Variants in ASH2L observed in about 807,000 individuals in gnomAD.
The protein encoded by ASH2L is ASH2 like, histone lysine methyltransferase complex subunit.
ASH2L carries 30 observed loss-of-function variants against 81.1 expected under a neutral mutation model. The ratio of observed to expected loss-of-function variants is 0.37; its 90% CI spans 0.28 to 0.50. ASH2L has a LOEUF of 0.50. ASH2L is among the 20% of genes least tolerant of loss of function. The pLI is 0.95. For synonymous variants in ASH2L, 273 were observed against 279.9 expected (o/e 0.98, Z 0.24); for missense variants, 559 against 792.1 (o/e 0.71, Z 3.53).
intron 8 of ASH2L, among the ~76,000 whole-genome samples, chr8:38,118,288 C>T (rs1479263829): frequency 2.0e-5 from 3 of 152,148 alleles, no homozygotes; most frequent in Non-Finnish European, 2.9e-5. Context: ...CCAAGCTTGC[C>T]CCAAATTAAG....
intron 1 of ASH2L, 155 bp from the exon 2 acceptor site, chr8:38,106,223 C>G: frequency 7.2e-7 from 1 of 1,397,146 alleles, no homozygotes; most frequent in African/African-American, 1.4e-5. Context: ...TCTCAGTATC[C>G]TGACAGTACC....
chr8:38,125,475 G>A (rs1027729058), intron 10 of ASH2L, among the ~76,000 whole-genome samples: 3 of 151,694 alleles, frequency 2.0e-5, no homozygotes, highest in South Asian at 2.1e-4. Flanking sequence ...ACAAAATTGC[G>A]GGCCTGGTGG....
At chr8:38,110,930 G>A in intron 5 of ASH2L, 97 bp downstream of exon 5, 1 of 982,520 alleles carries the variant, frequency 1.0e-6, no homozygotes, top group Non-Finnish European at 1.6e-6. Flanking sequence ...AGTTTTTATT[G>A]AATATATGAC....
At position 38,139,026 on chromosome 8, in the gene ASH2L, G is replaced by A. The variant is rs773195004; in HGVS notation, c.1842G>A (p.Val614=). The A allele has an allele frequency of 1.2e-6, 2 of 1,610,634 alleles. No individual in the cohort carries two copies. Among genetic ancestry groups the A allele is most frequent in the South Asian group, 2.2e-5 (2 of 90,670 alleles). Residue 614 remains valine, a synonymous_variant, in exon 16 of 16, where the codon GTG becomes GTA. Coordinates refer to ENST00000343823, the MANE Select transcript of ASH2L (RefSeq NM_004674.5). ...CCCTGGCTGACGTCTTGTATCACGT[G>A]GAGACAGAAGTGGATGGGAGGCGCA... ...EHTLADVLYH[V]ETEVDGRRSP...
At chr8:38,106,012 A>C in intron 1 of ASH2L, 1 of 1,530,676 alleles carries the variant, frequency 6.5e-7, no homozygotes, top group Non-Finnish European at 8.7e-7. Flanking sequence ...CTTTAACGGG[A>C]GGCCTTCACA....
intron 3 of ASH2L, 28 bp downstream of exon 3, chr8:38,107,194 A>G (rs759470548): frequency 1.2e-6 from 2 of 1,610,792 alleles, no homozygotes; most frequent in East Asian, 2.2e-5. Flanking sequence ...TTTTTGTGAG[A>G]ATTGCTCGGT....
chr8:38,133,163 G>C (rs541359102), intron 12 of ASH2L, among the ~76,000 whole-genome samples: 2 of 151,886 alleles, frequency 1.3e-5, no homozygotes, highest in African/African-American at 2.4e-5. Context: ...GAAAAGATGT[G>C]TGAATTTAGC....
At chr8:38,119,501 G>T in intron 9 of ASH2L, 138 bp downstream of exon 9, 1 of 690,612 alleles carries the variant, frequency 1.4e-6, no homozygotes, top group South Asian at 2.3e-5. Context: ...GCACTTTGAG[G>T]GACAAAATAA....
chr8:38,106,403 G>T lies in ASH2L; in HGVS notation c.214G>T (p.Gly72Cys), dbSNP rs369991556. ...GGAGGCAAACTTGGTCGATGTAAGCGGTGGCTTGGAGACAGAATCATCTAA... is the reference window on the plus strand; with the variant it reads ...GGAGGCAAACTTGGTCGATGTAAGCTGTGGCTTGGAGACAGAATCATCTAA... Reference protein sequence around the residue: ...GGEANLVDVSGGLETESSNGK... With the variant: ...GGEANLVDVSCGLETESSNGK... Residue 72 changes from glycine to cysteine, a missense_variant, in exon 2 of 16, where the codon GGT becomes TGT. By Grantham distance (159) the Gly-to-Cys change is radical (BLOSUM62 -3). Coordinates refer to ENST00000343823, the MANE Select transcript of ASH2L (RefSeq NM_004674.5). The T allele has an allele frequency of 6.2e-7, 1 of 1,614,098 alleles. No homozygotes were observed. Among genetic ancestry groups the T allele is most frequent in the South Asian group, 1.1e-5 (1 of 91,078 alleles).
In ASH2L at chr8:38,139,274, TG is replaced by T. The variant is rs1227163438; in HGVS notation, c.*204del. ...ACTTCCAGTGACTGCTCTTATTTTG[TG>T]TACCATAAGCCAACAACCGCTGACT... is the stretch of plus-strand genomic sequence containing the variant. On this transcript the variant is annotated 3_prime_UTR_variant, in exon 16 of 16. Transcript: ENST00000343823. 5.6e-6 allele frequency: 3 copies of T among 531,798 alleles called. No homozygotes were observed. The Middle Eastern group carries it at 1.5e-3, about 264-fold the overall frequency. 32.9% of individuals were successfully genotyped at this position (531,798 alleles called of 1,614,324 possible). A position where few individuals can be genotyped will look rare whatever the true frequency, so the allele number is the denominator to read the frequency against.
intron 3 of ASH2L, among the ~76,000 whole-genome samples, chr8:38,108,784 G>A (rs920941072): frequency 1.3e-5 from 2 of 150,116 alleles, no homozygotes; most frequent in Non-Finnish European, 3.0e-5. Flanking sequence ...GTGAGACTCC[G>A]TCTCAAAAAA....
intron 7 of ASH2L, among the ~76,000 whole-genome samples, chr8:38,115,714 C>G (rs376630619): frequency 1.3e-5 from 2 of 152,320 alleles, no homozygotes; most frequent in African/African-American, 4.8e-5. Flanking sequence ...TGCATGGGGC[C>G]TGAATTCCCA....
At chr8:38,135,819 G>T in intron 14 of ASH2L, 53 bp downstream of exon 14, 1 of 1,394,040 alleles carries the variant, frequency 7.2e-7, no homozygotes, top group Middle Eastern at 1.8e-4. Context: ...CAGATGAATG[G>T]GTTGTGATGA....
chr8:38,111,408 C>T (rs376429676), intron 5 of ASH2L, among the ~76,000 whole-genome samples: 3 of 151,910 alleles, frequency 2.0e-5, no homozygotes, highest in South Asian at 2.1e-4. Flanking sequence ...TTTATTTTTT[C>T]CAAAATTATT....
chr8:38,115,600 A>G (rs539918773), intron 7 of ASH2L, among the ~76,000 whole-genome samples: 43 of 151,872 alleles, frequency 2.8e-4, no homozygotes, highest in African/African-American at 1.0e-3. Flanking sequence ...CCAGGCATTC[A>G]AGACCAGCCT....
At chr8:38,119,545 C>T (rs983608775) in intron 9 of ASH2L, among the ~76,000 whole-genome samples, 182 bp downstream of exon 9, 2 of 152,170 alleles carry the variant, frequency 1.3e-5, no homozygotes, top group Non-Finnish European at 2.9e-5. Context: ...GTGGCTCATG[C>T]GTGTAATCCC....
chr8:38,118,105 A>G (rs538930674), intron 8 of ASH2L, among the ~76,000 whole-genome samples: 2 of 152,346 alleles, frequency 1.3e-5, no homozygotes, highest in African/African-American at 4.8e-5. Flanking sequence ...TACTTAAACT[A>G]GAGATGATGA....
At chr8:38,126,681 T>C (rs1029152186) in intron 10 of ASH2L, among the ~76,000 whole-genome samples, 9 of 151,108 alleles carry the variant, frequency 6.0e-5, no homozygotes, top group African/African-American at 2.2e-4. Context: ...GGTGAAACCC[T>C]GTCTCTACTG....
intron 14 of ASH2L, among the ~76,000 whole-genome samples, chr8:38,136,473 C>T (rs1215082379): frequency 1.3e-5 from 2 of 150,712 alleles, no homozygotes; most frequent in Admixed American, 1.3e-4. Flanking sequence ...TAGATAGATA[C>T]AGATATATAG....
Sources: gnomAD v4.1 joint callset for allele counts (sites outside exome capture counted in the v4.1 genomes callset) on GRCh38, gnomAD v4.1.1 for gene constraint, MANE v1.5 for transcripts, NCBI Gene and HGNC (gene_info 2026-07-23, HGNC 2026-07-21) for gene names.